Variants in HERC1 observed in about 807,000 individuals in gnomAD.
The protein encoded by HERC1 is probable E3 ubiquitin-protein ligase HERC1.
HERC1 carries 160 observed loss-of-function variants against 554.3 expected under a neutral mutation model. The ratio of observed to expected loss-of-function variants is 0.29; its 90% CI spans 0.25 to 0.33. HERC1 has a LOEUF of 0.33. HERC1 is among the 10% of genes least tolerant of loss of function. The pLI, the probability that HERC1 is intolerant of heterozygous loss-of-function variation, is 1.00. For missense variants in HERC1, 4,919 were observed against 5,918.5 expected, an observed-to-expected ratio of 0.83 and a Z score of 5.54; for synonymous variants, 2,175 against 2,131.7, an observed-to-expected ratio of 1.02 and a Z score of -0.56.
In HERC1 at chr15:63,756,693, G is replaced by C; in HGVS notation, c.1277C>G (p.Ala426Gly). 1 of 1,612,804 alleles carries C rather than the reference G, an allele frequency of 6.2e-7. No individual in the cohort carries two copies. The highest frequency in any genetic ancestry group is 8.5e-7 in the Non-Finnish European group (1 of 1,179,374). Residue 426 changes from alanine (A) to glycine (G), a missense_variant, in exon 5 of 78, where the codon GCT (alanine) becomes GGT (glycine). By Grantham distance (60) the Ala-to-Gly change is moderately conservative (BLOSUM62 0). Transcript: ENST00000443617. This position sits in a 1 kb window ranked among gnomAD's most constrained non-coding sequence, Gnocchi z 5.0. ...FVISTDGSVRACGKGSYGRLG... is the reference protein window; with the variant it reads ...FVISTDGSVRGCGKGSYGRLG... ...TCTCCCATAGCTGCCTTTCCCGCAAGCTCTAACAGAGCCATCCGTAGAAAT... is the reference window on the plus strand; with the variant it reads ...TCTCCCATAGCTGCCTTTCCCGCAACCTCTAACAGAGCCATCCGTAGAAAT...
chr15:63,708,416 G>A (rs1438276836), intron 24 of HERC1, among the ~76,000 whole-genome samples: 1 of 152,118 alleles, frequency 6.6e-6, no homozygotes, highest in Non-Finnish European at 1.5e-5. Flanking sequence ...TCCTCTCTCA[G>A]CCTTTTTCAG....
At chr15:63,672,365 A>T in intron 39 of HERC1, 131 bp downstream of exon 39, 1 of 636,236 alleles carries the variant, frequency 1.6e-6, no homozygotes, top group South Asian at 2.8e-5. Context: ...GAGCTTGACT[A>T]TATAATCTCT....
rs182168760 is a variant in HERC1, at chr15:63,737,626, C to T, written c.2521-2777G>A. ...AATTCCTGGCCTCAGGTGGTCCGCC[C>T]GCCTCGGCCTCCAAAAGTGCTGGGA... On this transcript the variant is annotated intron_variant, in intron 12 of 77. Coordinates refer to ENST00000443617, the MANE Select transcript of HERC1 (RefSeq NM_003922.4). Among the ~76,000 whole-genome samples, 273 of 147,176 alleles carry T rather than the reference C, an allele frequency of 1.9e-3. 3 individuals carry two copies. The highest frequency in any genetic ancestry group is 6.0e-3 in the African/African-American group (241 of 40,138).
At chr15:63,767,254 C>T (rs1201562403) in intron 2 of HERC1, among the ~76,000 whole-genome samples, 1 of 142,042 alleles carries the variant, frequency 7.0e-6, no homozygotes, top group African/African-American at 2.6e-5. Context: ...CCACCCGTCT[C>T]GGCCTCCCAA....
chr15:63,659,270 G>C (rs1049742867), intron 47 of HERC1, among the ~76,000 whole-genome samples: 4 of 151,732 alleles, frequency 2.6e-5, no homozygotes, highest in African/African-American at 9.7e-5. Context: ...TTTTCCTCTT[G>C]AGACAGGGTC....
chr15:63,691,310 A>G (rs2072094567), intron 31 of HERC1, among the ~76,000 whole-genome samples: 1 of 151,930 alleles, frequency 6.6e-6, no homozygotes, highest in East Asian at 1.9e-4. Flanking sequence ...TACTAAAAAT[A>G]CAAAAATTAG....
Position 63,659,835 on chromosome 15 carries a change from C to A in HERC1, c.9325G>T (p.Val3109Leu). 6.2e-7 allele frequency: 1 copy of A among 1,613,860 alleles called. No individual in the cohort carries two copies. Among genetic ancestry groups the A allele is most frequent in the Middle Eastern group, 1.6e-4 (1 of 6,062 alleles). The change falls in exon 47 of 78, where the codon GTA (valine) becomes TTA (leucine). Residue 3109 changes from valine to leucine, a missense_variant. Coordinates refer to ENST00000443617, the MANE Select transcript of HERC1 (RefSeq NM_003922.4). The stretch of plus-strand genomic sequence containing the variant: ...TCAGGGAACTGAACTGGTTCTGGTA[C>A]AATGCGCCGGTCATTTAAACCAAGC... ...GPLGLNDRRI[V>L]PEPVQFPDSD...
At chr15:63,686,573 TC>T in intron 33 of HERC1, 38 bp from the exon 34 acceptor site, 1 of 1,570,036 alleles carries the variant, frequency 6.4e-7, no homozygotes, top group Non-Finnish European at 8.7e-7. Context: ...TTTGGAATAA[TC>T]CATGTCTCAG....
chr15:63,737,584 T>C (rs2074603683), intron 12 of HERC1, among the ~76,000 whole-genome samples: 1 of 142,100 alleles, frequency 7.0e-6, no homozygotes, highest in Non-Finnish European at 1.5e-5. Flanking sequence ...GTTTTGCATA[T>C]TGGCCAGCTG....
At chr15:63,663,268 G>C (rs1595919299) in intron 43 of HERC1, 64 bp from the exon 44 acceptor site, 2 of 1,355,196 alleles carry the variant, frequency 1.5e-6, no homozygotes, top group African/African-American at 1.4e-5. Flanking sequence ...TATTTCGCCA[G>C]TTCTTAACTG....
intron 24 of HERC1, among the ~76,000 whole-genome samples, chr15:63,709,075 C>T (rs1209188373): frequency 1.3e-5 from 2 of 152,136 alleles, no homozygotes; most frequent in East Asian, 1.9e-4. Flanking sequence ...CTATAACCTC[C>T]GCCTCCCAGA....
At chr15:63,755,083 A>C (rs1279726326) in intron 6 of HERC1, 146 bp downstream of exon 6, 1 of 631,634 alleles carries the variant, frequency 1.6e-6, no homozygotes, top group Admixed American at 2.7e-5. Context: ...TCTAGGTCTT[A>C]TCTATATAAA....
chr15:63,664,669 T>G, intron 42 of HERC1, 75 bp from the exon 43 acceptor site: 1 of 1,259,726 alleles, frequency 7.9e-7, no homozygotes, highest in Non-Finnish European at 1.1e-6. Context: ...GTAAGCTTAC[T>G]TGTAGTACTA....
intron 1 of HERC1, among the ~76,000 whole-genome samples, chr15:63,785,210 G>C (rs1010081739): frequency 6.6e-6 from 1 of 151,862 alleles, no homozygotes; most frequent in Non-Finnish European, 1.5e-5. Context: ...GGAAGCTTTA[G>C]GCCAGGAGTT....
intron 1 of HERC1, among the ~76,000 whole-genome samples, chr15:63,832,524 T>C (rs2078192278): frequency 6.6e-6 from 1 of 152,186 alleles, no homozygotes; most frequent in African/African-American, 2.4e-5. Flanking sequence ...TGAATAATCA[T>C]AGTTTCTTTC....
intron 1 of HERC1, among the ~76,000 whole-genome samples, chr15:63,818,161 T>C (rs1488108129): frequency 2.0e-5 from 3 of 152,138 alleles, no homozygotes; most frequent in African/African-American, 7.2e-5. Flanking sequence ...TGTTTAAGTA[T>C]TATTTATTTT....
intron 63 of HERC1, among the ~76,000 whole-genome samples, 152 bp from the exon 64 acceptor site, chr15:63,637,795 C>T (rs1305893628): frequency 4.1e-5 from 2 of 48,618 alleles, no homozygotes. Context: ...TATGCAGTCC[C>T]GTAACTCCTT....
chr15:63,700,159 G>A (rs914270156), intron 25 of HERC1, among the ~76,000 whole-genome samples: 14 of 151,758 alleles, frequency 9.2e-5, no homozygotes, highest in African/African-American at 2.2e-4. Flanking sequence ...TTTAGTTGTC[G>A]TTGACTTTTA....
At position 63,718,674 on chromosome 15, in the gene HERC1, A is replaced by G. The variant is rs2073678206; in HGVS notation, c.3878T>C (p.Leu1293Ser). The change falls in exon 21 of 78, where the codon TTA (leucine) becomes TCA (serine). Residue 1293 changes from leucine (L) to serine (S), a missense_variant. Physicochemically the swap from Leu to Ser is moderately radical, Grantham distance 145. Transcript: ENST00000443617. This position sits in a 1 kb window ranked among gnomAD's most constrained non-coding sequence, Gnocchi z 4.2. ...GTATACACAACGGTACACTTCTGAT[A>G]AGTGTTTACCAGGTTGATATCTAAA... ...GESRYQPGKH[L>S]SEVYRCVYKV... The G allele has an allele frequency of 2.5e-6, 4 of 1,603,712 alleles. No individual in the cohort carries two copies. The highest frequency in any genetic ancestry group is 1.7e-6 in the Non-Finnish European group (2 of 1,173,342).
Sources: allele counts gnomAD v4.1 joint callset (sites outside exome capture counted in the v4.1 genomes callset), GRCh38; gene constraint gnomAD v4.1.1; non-coding constraint Gnocchi (gnomAD v3.1); transcripts MANE v1.5; gene names NCBI Gene and HGNC (gene_info 2026-07-23, HGNC 2026-07-21).